Variants in CTH observed in about 807,000 individuals in gnomAD.
CTH encodes the protein cystathionine gamma-lyase, also known as cystathionase (cystathionine gamma-lyase).
In CTH, 41 loss-of-function variants were observed where a neutral mutation model predicts 50.6. That is an observed-to-expected ratio of 0.81 (90% CI 0.63 to 1.05). The LOEUF is 1.05. Ranked by LOEUF, CTH falls within the 50% of genes least tolerant of loss-of-function variation. The pLI, the probability that CTH is intolerant of heterozygous loss-of-function variation, is 0.00. For synonymous variants in CTH, 156 were observed against 168.9 expected (o/e 0.92, Z 0.59); for missense variants, 470 against 492.6 (o/e 0.95, Z 0.43).
chr1:70,421,714 C>A, intron 4 of CTH, 39 bp downstream of exon 4: 1 of 1,589,386 alleles, frequency 6.3e-7, no homozygotes, highest in Non-Finnish European at 8.6e-7. Context: ...GTTTTTCCTT[C>A]GATGTTTTGT....
chr1:70,420,714 T>C (rs997243801), intron 3 of CTH, among the ~76,000 whole-genome samples: 2 of 152,194 alleles, frequency 1.3e-5, no homozygotes, highest in Non-Finnish European at 2.9e-5. Context: ...TATTTTATCT[T>C]AGTTTCTTAT....
intron 4 of CTH, among the ~76,000 whole-genome samples, 195 bp downstream of exon 4, chr1:70,421,870 A>T (rs1572258319): frequency 6.6e-6 from 1 of 152,332 alleles, no homozygotes; most frequent in Admixed American, 6.5e-5. Flanking sequence ...TCTGGAGTAG[A>T]ATTCAAATTG....
chr1:70,439,198 C>G lies in CTH; in HGVS notation c.*71C>G, dbSNP rs1684667015. 10 of 1,451,646 alleles carry G rather than the reference C, an allele frequency of 6.9e-6. No individual in the cohort carries two copies. In the Admixed American group the frequency reaches 1.5e-4, roughly 22 times the overall value. 89.9% of individuals were successfully genotyped at this position (1,451,646 alleles called of 1,614,324 possible). On this transcript the variant is annotated 3_prime_UTR_variant, in exon 12 of 12. Coordinates refer to ENST00000370938, the MANE Select transcript of CTH (RefSeq NM_001902.6). ...CTTCCTGAGTAATTAAATGGACCAA[C>G]AATGAGCCTTTGCAAAATTTTCAAG...
rs1247975332 is a variant in CTH at position 70,439,103 on chromosome 1, C to A, written c.1194C>A (p.His398Gln). The A allele has an allele frequency of 3.1e-6, 5 of 1,611,922 alleles. No individual in the cohort carries two copies. Among genetic ancestry groups the A allele is most frequent in the Non-Finnish European group, 3.4e-6 (4 of 1,178,032 alleles). ...EDLDQALKAA[H>Q]PPSGSHS ...TTTCTTGTGCACTGTTATTATAGCACCCTCCAAGTGGAAGTCACAGCTAGT... is the reference window on the plus strand; with the variant it reads ...TTTCTTGTGCACTGTTATTATAGCAACCTCCAAGTGGAAGTCACAGCTAGT... Residue 398 changes from histidine (H) to glutamine (Q), a missense_variant and splice_region_variant, in exon 12 of 12, where the codon CAC (histidine) becomes CAA (glutamine). By Grantham distance (24) the His-to-Gln change is conservative. Transcript: ENST00000370938.
At position 70,435,785 on chromosome 1, in the gene CTH, A is replaced by G. The variant is rs142742322; in HGVS notation, c.1052+608A>G. Among the ~76,000 whole-genome samples, 4 of 152,298 alleles carry G rather than the reference A, an allele frequency of 2.6e-5. No homozygotes were observed. In the East Asian group the frequency reaches 7.7e-4, roughly 29 times the overall value. On this transcript the variant is annotated intron_variant, in intron 10 of 11. Transcript: ENST00000370938. ...ATCAGAGGATATTGGTACAAGAAGCAGTCTAAGATCATACAGTCCAGCAGC... is the reference window on the plus strand; with the variant it reads ...ATCAGAGGATATTGGTACAAGAAGCGGTCTAAGATCATACAGTCCAGCAGC...
At chr1:70,411,794 G>A in intron 1 of CTH, 1 of 676,036 alleles carries the variant, frequency 1.5e-6, no homozygotes, top group Non-Finnish European at 1.8e-6. Flanking sequence ...GGAAGGAGCC[G>A]TTTGTCCAGC....
At chr1:70,432,845 A>G (rs916789784) in intron 8 of CTH, among the ~76,000 whole-genome samples, 3 of 151,652 alleles carry the variant, frequency 2.0e-5, no homozygotes, top group Non-Finnish European at 4.4e-5. Context: ...CACCACGCCC[A>G]GCTATTTTTT....
At chr1:70,414,143 T>A (rs2101726299) in intron 1 of CTH, among the ~76,000 whole-genome samples, 1 of 151,930 alleles carries the variant, frequency 6.6e-6, no homozygotes, top group Non-Finnish European at 1.5e-5. Flanking sequence ...TTTTTTTTAA[T>A]CTGCAGGGTA....
intron 10 of CTH, among the ~76,000 whole-genome samples, chr1:70,438,384 C>T (rs934484279): frequency 2.6e-5 from 4 of 152,166 alleles, no homozygotes; most frequent in Non-Finnish European, 4.4e-5. Flanking sequence ...AAAATATACA[C>T]ATTGGGGAGG....
At chr1:70,426,634 G>T (rs1391555016) in intron 5 of CTH, among the ~76,000 whole-genome samples, 1 of 152,144 alleles carries the variant, frequency 6.6e-6, no homozygotes, top group African/African-American at 2.4e-5. Context: ...ACCTTCGTGG[G>T]CCATCTGCCT....
At position 70,424,461 on chromosome 1, in the gene CTH, T is replaced by G. The variant is rs755139711; in HGVS notation, c.588+45T>G. ...TTTGGCACAATTAGTAGACCACATATATCTGTAATTAGGAAAGAAAGGACT... is the reference window on the plus strand; with the variant it reads ...TTTGGCACAATTAGTAGACCACATAGATCTGTAATTAGGAAAGAAAGGACT... On this transcript the variant is annotated intron_variant, in intron 5 of 11. Coordinates refer to ENST00000370938, the MANE Select transcript of CTH (RefSeq NM_001902.6). The G allele has an allele frequency of 1.9e-6, 3 of 1,611,230 alleles. No homozygotes were observed. In the Admixed American group the frequency reaches 5.0e-5, roughly 27 times the overall value.
At chr1:70,413,259 C>CTTTTTTTT (rs11295998) in intron 1 of CTH, among the ~76,000 whole-genome samples, 55 of 139,096 alleles carry the variant, frequency 4.0e-4, no homozygotes, top group African/African-American at 5.3e-4. Context: ...TTCTTTCTTT[C>CTTTTTTTT]TTTTTTTTTT....
chr1:70,439,116 A>T lies in CTH; in HGVS notation c.1207A>T (p.Ser403Cys). 1 of 1,612,404 alleles carries T rather than the reference A, an allele frequency of 6.2e-7. No homozygotes were observed. The highest frequency in any genetic ancestry group is 8.5e-7 in the Non-Finnish European group (1 of 1,178,416). ...ALKAAHPPSG[S>C]HS ...GTTATTATAGCACCCTCCAAGTGGA[A>T]GTCACAGCTAGTATTCCAGAGCTGC... is the stretch of plus-strand genomic sequence containing the variant. Residue 403 changes from serine (S) to cysteine (C), a missense_variant, in exon 12 of 12, where the codon AGT becomes TGT. Physicochemically the swap from Ser to Cys is moderately radical, Grantham distance 112. Coordinates refer to ENST00000370938, the MANE Select transcript of CTH (RefSeq NM_001902.6).
At chr1:70,424,585 A>G (rs1684305403) in intron 5 of CTH, among the ~76,000 whole-genome samples, 169 bp downstream of exon 5, 1 of 152,202 alleles carries the variant, frequency 6.6e-6, no homozygotes, top group African/African-American at 2.4e-5. Flanking sequence ...CCATTAGTTA[A>G]TATCTTTTCA....
At chr1:70,419,771 G>C (rs976301834) in intron 3 of CTH, among the ~76,000 whole-genome samples, 3 of 152,178 alleles carry the variant, frequency 2.0e-5, no homozygotes, top group Non-Finnish European at 4.4e-5. Flanking sequence ...ATGTGGAGAA[G>C]ACAGGCTTGC....
rs377101650 is a variant in CTH at position 70,411,408 on chromosome 1, G to T, written c.-8G>T. On this transcript the variant is annotated 5_prime_UTR_variant, in exon 1 of 12. Coordinates refer to ENST00000370938, the MANE Select transcript of CTH (RefSeq NM_001902.6). ...TTCTTTTCCTCTCTTCTTCTTTCGCGGTTCAGCATGCAGGAAAAAGACGCC... is the reference window on the plus strand; with the variant it reads ...TTCTTTTCCTCTCTTCTTCTTTCGCTGTTCAGCATGCAGGAAAAAGACGCC... 2.5e-6 allele frequency: 4 copies of T among 1,613,900 alleles called. No homozygotes were observed. Among genetic ancestry groups the T allele is most frequent in the Non-Finnish European group, 3.4e-6 (4 of 1,179,850 alleles).
At chr1:70,429,984 C>G (rs964073051) in intron 6 of CTH, 133 bp downstream of exon 6, 112 of 687,136 alleles carry the variant, frequency 1.6e-4, no homozygotes, top group Non-Finnish European at 2.4e-4. Flanking sequence ...AAAAAAAAAT[C>G]CTTTGATTAA....
chr1:70,419,371 T>C (rs1684163966), intron 3 of CTH, among the ~76,000 whole-genome samples: 3 of 152,220 alleles, frequency 2.0e-5, no homozygotes, highest in Non-Finnish European at 4.4e-5. Context: ...ATGGTATTTC[T>C]AGTTCTAGAT....
At chr1:70,425,766 A>G (rs1026136257) in intron 5 of CTH, among the ~76,000 whole-genome samples, 1 of 152,166 alleles carries the variant, frequency 6.6e-6, no homozygotes, top group Non-Finnish European at 1.5e-5. Flanking sequence ...AAATCTCACA[A>G]GAACTCACTC....
Sources: gnomAD v4.1 joint callset for allele counts (sites outside exome capture counted in the v4.1 genomes callset) on GRCh38, gnomAD v4.1.1 for gene constraint, MANE v1.5 for transcripts, NCBI Gene and HGNC (gene_info 2026-07-23, HGNC 2026-07-21) for gene names.